Variants in SPACA1 observed in about 807,000 individuals in gnomAD.
The protein encoded by SPACA1 is sperm acrosome associated 1, also known as sperm acrosome membrane-associated protein 1.
SPACA1 carries 17 observed loss-of-function variants against 32.6 expected under a neutral mutation model. That is an observed-to-expected ratio of 0.52 (90% CI 0.36 to 0.78). The LOEUF is 0.78. Ranked by LOEUF, SPACA1 falls within the 30% of genes least tolerant of loss-of-function variation. The pLI, the probability that SPACA1 is intolerant of heterozygous loss-of-function variation, is 0.01. For missense variants in SPACA1, 363 were observed against 373.4 expected, an observed-to-expected ratio of 0.97 and a Z score of 0.23; for synonymous variants, 140 against 138.1, an observed-to-expected ratio of 1.01 and a Z score of -0.10.
At chr6:88,052,031 T>C (rs1775735085) in intron 1 of SPACA1, among the ~76,000 whole-genome samples, 1 of 152,200 alleles carries the variant, frequency 6.6e-6, no homozygotes, top group African/African-American at 2.4e-5. Context: ...TATATTTTTT[T>C]TACCACTCAT....
intron 2 of SPACA1, among the ~76,000 whole-genome samples, chr6:88,055,849 T>G (rs563686780): frequency 2.2e-4 from 33 of 152,190 alleles, no homozygotes; most frequent in African/African-American, 7.2e-4. Context: ...CACATACCTG[T>G]AGTCCCAGCT....
At chr6:88,049,419 T>C (rs1775696050) in intron 1 of SPACA1, among the ~76,000 whole-genome samples, 1 of 152,362 alleles carries the variant, frequency 6.6e-6, no homozygotes, top group East Asian at 1.9e-4. Flanking sequence ...GGAATCCATG[T>C]ACTTTGTGGG....
At chr6:88,059,620 T>C (rs373782411) in intron 5 of SPACA1, 32 bp downstream of exon 5, 1 of 1,576,408 alleles carries the variant, frequency 6.3e-7, no homozygotes, top group African/African-American at 1.4e-5. Context: ...GGTTTGCTTA[T>C]ATGCCAATCT....
At chr6:88,048,467 A>AT (rs5878059) in intron 1 of SPACA1, among the ~76,000 whole-genome samples, 4 of 151,468 alleles carry the variant, frequency 2.6e-5, no homozygotes, top group East Asian at 3.9e-4. Flanking sequence ...CTCATAGTAG[A>AT]TTTTTTTTTT....
At chr6:88,056,353 C>G (rs535392023) in intron 2 of SPACA1, among the ~76,000 whole-genome samples, 1 of 151,394 alleles carries the variant, frequency 6.6e-6, no homozygotes, top group African/African-American at 2.4e-5. Flanking sequence ...GACTCCGTCT[C>G]AAAAAAAAAC....
Position 88,047,914 on chromosome 6 carries a change from C to T in SPACA1, c.9C>T (p.Pro3=). The T allele has an allele frequency of 6.4e-7, 1 of 1,554,868 alleles. No individual in the cohort carries two copies. The highest frequency in any genetic ancestry group is 8.7e-7 in the Non-Finnish European group (1 of 1,149,922). Residue 3 remains proline (P), a synonymous_variant, in exon 1 of 7, where the codon CCC becomes CCT. Transcript: ENST00000237201. ...CGTCGGGGCCGAGAACCATGAGCCCCAGGGGCACGGGCTGCTCCGCCGGGC... is the reference window on the plus strand; with the variant it reads ...CGTCGGGGCCGAGAACCATGAGCCCTAGGGGCACGGGCTGCTCCGCCGGGC... MS[P]RGTGCSAGLL... is the part of the protein sequence containing the mutation.
upstream of SPACA1, chr6:88,047,702 T>C (rs1775659539): frequency 1.2e-5 from 7 of 584,050 alleles, no homozygotes; most frequent in South Asian, 4.6e-5. Flanking sequence ...GCGTTCCGTC[T>C]TGCACGCCTC....
At chr6:88,051,525 G>A (rs1170442263) in intron 1 of SPACA1, among the ~76,000 whole-genome samples, 1 of 152,198 alleles carries the variant, frequency 6.6e-6, no homozygotes, top group Non-Finnish European at 1.5e-5. Context: ...AACTAAAAGA[G>A]CAAGATCATT....
chr6:88,057,462 A>G, intron 2 of SPACA1, 150 bp from the exon 3 acceptor site: 1 of 545,400 alleles, frequency 1.8e-6, no homozygotes, highest in African/African-American at 1.9e-5. Flanking sequence ...TGAAGAGCCA[A>G]AAAAATTTTA....
upstream of SPACA1, among the ~76,000 whole-genome samples, chr6:88,047,097 C>T (rs1775648745): frequency 1.3e-5 from 2 of 152,120 alleles, no homozygotes; most frequent in African/African-American, 4.8e-5. Flanking sequence ...AAAGTCAACC[C>T]TAACTTTTCA....
intron 2 of SPACA1, among the ~76,000 whole-genome samples, chr6:88,056,279 G>A (rs529140150): frequency 1.3e-5 from 2 of 152,234 alleles, no homozygotes; most frequent in Admixed American, 6.5e-5. Context: ...GCTTGAACCC[G>A]GGAGGCGGAG....
At chr6:88,050,160 A>G (rs998472382) in intron 1 of SPACA1, among the ~76,000 whole-genome samples, 6 of 152,236 alleles carry the variant, frequency 3.9e-5, no homozygotes, top group African/African-American at 1.4e-4. Context: ...ATGTTGGTGC[A>G]TAAACGTTAT....
At chr6:88,052,035 C>A (rs186322550) in intron 1 of SPACA1, among the ~76,000 whole-genome samples, 257 of 152,032 alleles carry the variant, frequency 1.7e-3, no homozygotes, top group African/African-American at 5.7e-3. Flanking sequence ...TTTTTTTTAC[C>A]ACTCATAGGT....
intron 1 of SPACA1, among the ~76,000 whole-genome samples, chr6:88,048,924 C>A (rs147591277): frequency 2.2e-4 from 34 of 152,342 alleles, no homozygotes; most frequent in Admixed American, 1.4e-3. Context: ...CCTTTCCCTT[C>A]TAAATGACCC....
intron 1 of SPACA1, among the ~76,000 whole-genome samples, chr6:88,053,114 C>T (rs1486441879): frequency 3.3e-5 from 5 of 152,214 alleles, no homozygotes; most frequent in Non-Finnish European, 7.3e-5. Flanking sequence ...CTAAGCCTGA[C>T]AGCATTTAAT....
chr6:88,058,381 A>T (rs1775841264), intron 3 of SPACA1, among the ~76,000 whole-genome samples: 1 of 152,208 alleles, frequency 6.6e-6, no homozygotes. Flanking sequence ...TGACACCTGT[A>T]ATCTTAGCAC....
chr6:88,062,567 G>A (rs1183528366), intron 5 of SPACA1, among the ~76,000 whole-genome samples: 1 of 152,192 alleles, frequency 6.6e-6, no homozygotes, highest in Non-Finnish European at 1.5e-5. Context: ...TAGCAATACT[G>A]TAATACATAC....
chr6:88,049,888 T>A (rs1775703071), intron 1 of SPACA1, among the ~76,000 whole-genome samples: 1 of 152,196 alleles, frequency 6.6e-6, no homozygotes, highest in Non-Finnish European at 1.5e-5. Context: ...TTCTAGCTTA[T>A]CATTAATCTT....
chr6:88,066,287 A>G lies in SPACA1; in HGVS notation c.837A>G (p.Pro279=). Residue 279 remains proline, a synonymous_variant, in exon 7 of 7, where the codon CCA becomes CCG. Transcript: ENST00000237201. ...ATTCAACTTCTCTTGACCAATTACC[A>G]ACAGAAATGCCTGGTGAAGATGATG... The part of the protein sequence containing the change: ...YKDSTSLDQL[P]TEMPGEDDAL... 7 of 1,612,460 alleles carry G rather than the reference A, an allele frequency of 4.3e-6. No individual in the cohort carries two copies. The highest frequency in any genetic ancestry group is 5.9e-6 in the Non-Finnish European group (7 of 1,178,892).
Sources: allele counts gnomAD v4.1 joint callset (sites outside exome capture counted in the v4.1 genomes callset), GRCh38; gene constraint gnomAD v4.1.1; transcripts MANE v1.5; gene names NCBI Gene and HGNC (gene_info 2026-07-23, HGNC 2026-07-21).